The following FAM20B variants were observed in gnomAD, a reference collection of about 807,000 sequenced individuals.
FAM20B encodes FAM20B glycosaminoglycan xylosylkinase.
A neutral mutation model predicts 43.8 loss-of-function variants in FAM20B; 23 were observed. That is an observed-to-expected ratio of 0.53 (90% CI 0.38 to 0.74). The LOEUF (loss-of-function observed/expected upper bound fraction) is 0.74. FAM20B is among the 30% of genes least tolerant of loss of function. The pLI, the probability that FAM20B is intolerant of heterozygous loss-of-function variation, is 0.00. For missense variants in FAM20B, 440 were observed against 510.5 expected (o/e 0.86, Z 1.33); for synonymous variants, 178 against 192.4 (o/e 0.93, Z 0.62).
intron 1 of FAM20B, among the ~76,000 whole-genome samples, chr1:179,029,902 C>T (rs1309851244): frequency 1.3e-5 from 2 of 152,158 alleles, no homozygotes; most frequent in East Asian, 3.8e-4. Flanking sequence ...TACTAGCATA[C>T]TGGCAGTAGT....
chr1:179,048,629 C>T (rs1017303945), intron 2 of FAM20B, among the ~76,000 whole-genome samples: 1 of 152,170 alleles, frequency 6.6e-6, no homozygotes, highest in Non-Finnish European at 1.5e-5. Flanking sequence ...CTTTTTGCTG[C>T]AGGGGTATTT....
rs554751402 is a variant in FAM20B at position 179,073,584 on chromosome 1, A to C, written c.*1440A>C. 6.6e-6 allele frequency: 1 copy of C among 152,226 alleles called. No individual in the cohort carries two copies. The highest frequency in any genetic ancestry group is 1.5e-5 in the Non-Finnish European group (1 of 68,008). 9.4% of individuals were successfully genotyped at this position (152,226 alleles called of 1,614,324 possible). ...GTGATCCACCTGCCTCAGCCTTCCAAAGTGCTGGGATTACAGGCATGAGCC... is the reference window on the plus strand; with the variant it reads ...GTGATCCACCTGCCTCAGCCTTCCACAGTGCTGGGATTACAGGCATGAGCC... On this transcript the variant is annotated 3_prime_UTR_variant, in exon 8 of 8. Transcript: ENST00000263733.
intron 2 of FAM20B, among the ~76,000 whole-genome samples, chr1:179,044,603 T>C (rs914069502): frequency 6.6e-6 from 1 of 152,258 alleles, no homozygotes; most frequent in Non-Finnish European, 1.5e-5. Context: ...ATTTAAGGTT[T>C]ATACATATCT....
At chr1:179,053,234 A>C (rs1367272448) in intron 3 of FAM20B, among the ~76,000 whole-genome samples, 1 of 152,090 alleles carries the variant, frequency 6.6e-6, no homozygotes, top group Admixed American at 6.6e-5. Flanking sequence ...ATTGCCCCTC[A>C]ATGCTAAACT....
upstream of FAM20B, chr1:179,025,886 G>A (rs1649742335): frequency 6.7e-6 from 1 of 149,208 alleles, no homozygotes; most frequent in South Asian, 2.1e-4. Context: ...CCTCGGAGGC[G>A]GGGGGGTGGG....
chr1:179,029,247 T>C (rs925768388), intron 1 of FAM20B, among the ~76,000 whole-genome samples: 1 of 152,208 alleles, frequency 6.6e-6, no homozygotes, highest in Non-Finnish European at 1.5e-5. Context: ...CAGTTCCTTC[T>C]TCTACACCTA....
chr1:179,045,593 T>G (rs1398316642), intron 2 of FAM20B, among the ~76,000 whole-genome samples: 1 of 152,120 alleles, frequency 6.6e-6, no homozygotes, highest in Non-Finnish European at 1.5e-5. Context: ...AAACATTTGG[T>G]AGACTTTCAG....
rs374181238 is a variant in FAM20B, at chr1:179,072,085, G to A, written c.1171G>A (p.Asp391Asn). ...SVLATVKQCT[D>N]QFGMDTVLVE... ...CCTGGCCACCGTGAAGCAGTGCACC[G>A]ACCAGTTTGGGATGGACACAGTACT... The change falls in exon 8 of 8, where the codon GAC (aspartate) becomes AAC (asparagine). Residue 391 changes from aspartate (D) to asparagine (N), a missense_variant. Asp to Asn is a conservative substitution (Grantham distance 23). Coordinates refer to ENST00000263733, the MANE Select transcript of FAM20B (RefSeq NM_014864.4). The A allele has an allele frequency of 5.3e-5, 86 of 1,614,000 alleles. No homozygotes were observed. Among genetic ancestry groups the A allele is most frequent in the African/African-American group, 8.0e-5 (6 of 74,918 alleles).
chr1:179,045,912 C>CA (rs748722949), intron 2 of FAM20B, among the ~76,000 whole-genome samples: 60 of 149,302 alleles, frequency 4.0e-4, no homozygotes, highest in Middle Eastern at 3.4e-3. Context: ...AACCAAAAAA[C>CA]AAAAAAAAAC....
In FAM20B at chr1:179,054,633, C is replaced by T; in HGVS notation, c.569C>T (p.Thr190Ile). 6.3e-7 allele frequency: 1 copy of T among 1,592,202 alleles called. No individual in the cohort carries two copies. The highest frequency in any genetic ancestry group is 1.1e-5 in the South Asian group (1 of 90,366). Residue 190 changes from threonine to isoleucine, a missense_variant, in exon 4 of 8, where the codon ACT (threonine) becomes ATT (isoleucine). Thr to Ile is a moderately conservative substitution (Grantham distance 89). Coordinates refer to ENST00000263733, the MANE Select transcript of FAM20B (RefSeq NM_014864.4). The part of the protein sequence containing the change: ...ATEQLLSTFL[T>I]VGNNTCFYGK... ...GAGCAGCTGTTGAGCACCTTCCTAA[C>T]TGTAGGTAAGAAGATTGTAGAGGAC...
intron 1 of FAM20B, among the ~76,000 whole-genome samples, chr1:179,029,507 A>G (rs148976736): frequency 1.3e-5 from 2 of 152,366 alleles, no homozygotes; most frequent in African/African-American, 4.8e-5. Flanking sequence ...AAGAATCTAC[A>G]TGACAGATGG....
At chr1:179,028,401 G>A (rs2102478715) in intron 1 of FAM20B, among the ~76,000 whole-genome samples, 1 of 152,294 alleles carries the variant, frequency 6.6e-6, no homozygotes, top group South Asian at 2.1e-4. Flanking sequence ...GGCCAACATG[G>A]TGAAACCCCG....
chr1:179,018,169 C>T, the FAM20B span, among the ~76,000 whole-genome samples: 1 of 152,158 alleles, frequency 6.6e-6, no homozygotes, highest in Non-Finnish European at 1.5e-5. Flanking sequence ...GTGCCTGGGT[C>T]CTGGGAGAAC....
chr1:179,038,439 T>C (rs750001674), intron 1 of FAM20B, among the ~76,000 whole-genome samples: 1 of 151,270 alleles, frequency 6.6e-6, no homozygotes, highest in Non-Finnish European at 1.5e-5. Context: ...AAAAAGTTTA[T>C]GGGTTAACCA....
intron 1 of FAM20B, among the ~76,000 whole-genome samples, chr1:179,031,427 A>G (rs1022241755): frequency 1.3e-5 from 2 of 152,244 alleles, no homozygotes; most frequent in Non-Finnish European, 1.5e-5. Flanking sequence ...TTTTCAAGGA[A>G]GAGGGTTGCC....
chr1:179,045,752 G>A (rs924952344), intron 2 of FAM20B, among the ~76,000 whole-genome samples: 1 of 152,016 alleles, frequency 6.6e-6, no homozygotes, highest in Non-Finnish European at 1.5e-5. Flanking sequence ...TGGGCGTGGT[G>A]GTGTGCACCT....
At chr1:179,057,260 G>A (rs1339506143) in intron 4 of FAM20B, among the ~76,000 whole-genome samples, 1 of 152,070 alleles carries the variant, frequency 6.6e-6, no homozygotes, top group Non-Finnish European at 1.5e-5. Flanking sequence ...CAGGAGAGTT[G>A]CTTGAACCCA....
At chr1:179,053,381 A>C (rs964552435) in intron 3 of FAM20B, among the ~76,000 whole-genome samples, 3 of 152,110 alleles carry the variant, frequency 2.0e-5, no homozygotes, top group Non-Finnish European at 4.4e-5. Flanking sequence ...GGCTGCAGGG[A>C]GCTATGATCA....
At position 179,037,393 on chromosome 1, in the gene FAM20B, G is replaced by T. The variant is rs1572532793; in HGVS notation, c.-133-6322G>T. Among the ~76,000 whole-genome samples the T allele has an allele frequency of 2.0e-5, 3 of 151,102 alleles. No homozygotes were observed. In the East Asian group the frequency reaches 5.8e-4, roughly 29 times the overall value. ...AACCTGCCCTCACTTAGAATCTGCA[G>T]AAGGAAATAGTGAAATAATAGAACC... On this transcript the variant is annotated intron_variant, in intron 1 of 7. Coordinates refer to ENST00000263733, the MANE Select transcript of FAM20B (RefSeq NM_014864.4).
Sources: allele counts gnomAD v4.1 joint callset (sites outside exome capture counted in the v4.1 genomes callset), GRCh38; gene constraint gnomAD v4.1.1; transcripts MANE v1.5; gene names NCBI Gene and HGNC (gene_info 2026-07-23, HGNC 2026-07-21).